SPIDR: variants seen among roughly 807,000 people sequenced by gnomAD.
SPIDR encodes scaffold protein involved in DNA repair, also known as DNA repair-scaffolding protein.
In SPIDR, 93 loss-of-function variants were observed where a neutral mutation model predicts 104.6. The observed-to-expected ratio is 0.89, with a 90% CI of 0.75 to 1.06. The LOEUF is 1.06. Ranked by LOEUF, SPIDR falls within the 50% of genes least tolerant of loss-of-function variation. The probability of loss-of-function intolerance (pLI) is 0.00; values close to 1 mark genes in which losing one functional copy is unlikely to be tolerated. For missense variants in SPIDR, 1,154 were observed against 1,111.2 expected (o/e 1.04, Z -0.55); for synonymous variants, 431 against 416.9 (o/e 1.03, Z -0.41).
intron 8 of SPIDR, among the ~76,000 whole-genome samples, chr8:47,485,946 T>C (rs2077543764): frequency 6.6e-6 from 1 of 151,948 alleles, no homozygotes; most frequent in Admixed American, 6.6e-5. Flanking sequence ...AGAGCGCCTG[T>C]CCCCCTCTAA....
intron 8 of SPIDR, among the ~76,000 whole-genome samples, chr8:47,582,893 G>GACACAC (rs138228476): frequency 7.0e-6 from 1 of 141,914 alleles, no homozygotes; most frequent in Non-Finnish European, 1.6e-5. Context: ...CTTTCCACCA[G>GACACAC]ACACACACAC....
intron 7 of SPIDR, among the ~76,000 whole-genome samples, chr8:47,410,266 C>T (rs2063322135): frequency 6.6e-6 from 1 of 151,928 alleles, no homozygotes; most frequent in Non-Finnish European, 1.5e-5. Flanking sequence ...ACTGCAACCT[C>T]CGTATCCTGA....
At chr8:47,434,321 C>T (rs1439695853) in intron 7 of SPIDR, among the ~76,000 whole-genome samples, 26 of 152,106 alleles carry the variant, frequency 1.7e-4, no homozygotes, top group Admixed American at 1.7e-3. Context: ...TGTCTGCACA[C>T]TCACATGCAT....
At chr8:47,275,130 G>A (rs1479476221) in intron 1 of SPIDR, among the ~76,000 whole-genome samples, 1 of 151,474 alleles carries the variant, frequency 6.6e-6, no homozygotes, top group Admixed American at 6.6e-5. Context: ...GTGGTGGGGG[G>A]CGCCTGTAGT....
At chr8:47,694,828 AT>A (rs768936633) in intron 11 of SPIDR, among the ~76,000 whole-genome samples, 17 of 152,204 alleles carry the variant, frequency 1.1e-4, no homozygotes, top group Admixed American at 2.0e-4. Context: ...TTAAAAAAAA[AT>A]ATGAGTTAAT....
chr8:47,727,193 G>T lies in SPIDR; in HGVS notation c.2342-7G>T, dbSNP rs2084382131. 1.2e-6 allele frequency: 2 copies of T among 1,613,952 alleles called. No individual in the cohort carries two copies. The highest frequency in any genetic ancestry group is 1.7e-6 in the Non-Finnish European group (2 of 1,179,920). ...TCTGAGGTGGGCTTTCCTTCTCTTG[G>T]GCCTAGGCACTGTGGTTGGCGTGGA... is the stretch of plus-strand genomic sequence containing the variant. On this transcript the variant is annotated splice_region_variant and splice_polypyrimidine_tract_variant and intron_variant, in intron 16 of 19. Coordinates refer to ENST00000297423, the MANE Select transcript of SPIDR (RefSeq NM_001080394.4).
chr8:47,391,991 G>A (rs1321017808), intron 5 of SPIDR, among the ~76,000 whole-genome samples: 7 of 117,244 alleles, frequency 6.0e-5, no homozygotes, highest in Non-Finnish European at 6.6e-5. Flanking sequence ...GCCAGACTCC[G>A]TCTCAAAAAA....
chr8:47,405,979 C>T (rs561622164), intron 6 of SPIDR, among the ~76,000 whole-genome samples: 17 of 152,062 alleles, frequency 1.1e-4, no homozygotes, highest in Non-Finnish European at 1.3e-4. Flanking sequence ...GTGTAGAGAG[C>T]GCCTGTGCAT....
chr8:47,396,257 A>G lies in SPIDR; in HGVS notation c.526-119A>G, dbSNP rs7826936. 2.1e-3 allele frequency: 1,824 copies of G among 869,010 alleles called. 23 individuals are homozygous for G. In the African/African-American group the frequency reaches 0.028, roughly 13 times the overall value. 53.8% of individuals were successfully genotyped at this position (869,010 alleles called of 1,614,324 possible). A position where few individuals can be genotyped will look rare whatever the true frequency, so the allele number is the denominator to read the frequency against. Reference sequence around the variant, plus strand: ...GTTAAAGCTGCAGATACTGTATTCAAAAAGGTCCTTCAAGAGCTGTAACTG... The same window carrying G: ...GTTAAAGCTGCAGATACTGTATTCAGAAAGGTCCTTCAAGAGCTGTAACTG... On this transcript the variant is annotated intron_variant, in intron 5 of 19. Coordinates refer to ENST00000297423, the MANE Select transcript of SPIDR (RefSeq NM_001080394.4).
chr8:47,274,766 G>A (rs1032265499), intron 1 of SPIDR, among the ~76,000 whole-genome samples: 3 of 151,254 alleles, frequency 2.0e-5, no homozygotes, highest in African/African-American at 7.3e-5. Context: ...AGTAGAGACG[G>A]GTTTTCACCA....
At chr8:47,314,962 AAAC>A (rs2045015786) in intron 5 of SPIDR, among the ~76,000 whole-genome samples, 4 of 152,224 alleles carry the variant, frequency 2.6e-5, no homozygotes, top group African/African-American at 9.6e-5. Flanking sequence ...TGTAGCATGC[AAAC>A]AGTAAGTATA....
rs540607758 is a variant in SPIDR, at chr8:47,645,369, G to A, written c.1545-28432G>A. ...CTCAAGGATGACTGTGAGGTTGTTG[G>A]ACTGGTGGTGGTGTGGTCATTGAGG... is the stretch of plus-strand genomic sequence containing the variant. On this transcript the variant is annotated intron_variant, in intron 10 of 19. Coordinates refer to ENST00000297423, the MANE Select transcript of SPIDR (RefSeq NM_001080394.4). Among the ~76,000 whole-genome samples the A allele has an allele frequency of 2.0e-3, 297 of 152,244 alleles. 1 individual carries two copies. The highest frequency in any genetic ancestry group is 3.2e-3 in the Non-Finnish European group (217 of 68,012).
intron 8 of SPIDR, among the ~76,000 whole-genome samples, chr8:47,501,302 A>T (rs1472367456): frequency 6.6e-6 from 1 of 152,002 alleles, no homozygotes; most frequent in African/African-American, 2.4e-5. Flanking sequence ...GTTTGTTTGT[A>T]TCCTCTTTTA....
chr8:47,504,251 C>T (rs944112010), intron 8 of SPIDR, among the ~76,000 whole-genome samples: 4 of 152,200 alleles, frequency 2.6e-5, no homozygotes, highest in East Asian at 1.9e-4. Context: ...GTTCCATTCT[C>T]CTCGTCACTT....
intron 8 of SPIDR, among the ~76,000 whole-genome samples, chr8:47,517,257 A>G (rs2083307901): frequency 1.3e-5 from 2 of 152,168 alleles, no homozygotes; most frequent in Admixed American, 6.5e-5. Flanking sequence ...AAGTTCTAGG[A>G]TGACAGGTGT....
At chr8:47,648,741 C>T (rs908059719) in intron 10 of SPIDR, among the ~76,000 whole-genome samples, 17 of 152,054 alleles carry the variant, frequency 1.1e-4, no homozygotes, top group Non-Finnish European at 2.1e-4. Context: ...ATGGGGACAT[C>T]AAAAAGAAAA....
intron 8 of SPIDR, among the ~76,000 whole-genome samples, chr8:47,469,806 A>G (rs567242894): frequency 6.6e-6 from 1 of 152,358 alleles, no homozygotes; most frequent in South Asian, 2.1e-4. Flanking sequence ...AATCCGTACA[A>G]CAAATTTCTA....
At chr8:47,510,670 G>A (rs1350036901) in intron 8 of SPIDR, among the ~76,000 whole-genome samples, 1 of 152,070 alleles carries the variant, frequency 6.6e-6, no homozygotes, top group African/African-American at 2.4e-5. Context: ...TGTTGATAGA[G>A]TCTAGGAAGT....
intron 16 of SPIDR, among the ~76,000 whole-genome samples, chr8:47,721,908 T>C (rs2083454835): frequency 6.6e-6 from 1 of 152,192 alleles, no homozygotes; most frequent in Non-Finnish European, 1.5e-5. Flanking sequence ...TTTGTTGATA[T>C]CCACAAAATA....
Sources: gnomAD v4.1 joint callset for allele counts (sites outside exome capture counted in the v4.1 genomes callset) on GRCh38, gnomAD v4.1.1 for gene constraint, MANE v1.5 for transcripts, NCBI Gene and HGNC (gene_info 2026-07-23, HGNC 2026-07-21) for gene names.